Variants in GRIK1 observed in about 807,000 individuals in gnomAD.
GRIK1 encodes the protein glutamate ionotropic receptor kainate type subunit 1.
A neutral mutation model predicts 105.7 loss-of-function variants in GRIK1; 69 were observed. The ratio of observed to expected loss-of-function variants is 0.65; its 90% confidence interval spans 0.54 to 0.80. The LOEUF (loss-of-function observed/expected upper bound fraction) is 0.80, where lower values mean the gene tolerates loss of function less well. GRIK1 is among the 30% of genes least tolerant of loss of function. The pLI is 0.00. For synonymous variants in GRIK1, 438 were observed against 431.3 expected (o/e 1.02, Z -0.19); for missense variants, 1,109 against 1,167.3 (o/e 0.95, Z 0.73).
chr21:29,902,699 G>A (rs149220190), intron 1 of GRIK1, among the ~76,000 whole-genome samples: 193 of 152,218 alleles, frequency 1.3e-3, no homozygotes, highest in African/African-American at 4.5e-3. Context: ...AATCAATATC[G>A]TGAAAATGGC....
At chr21:29,765,843 C>A (rs2065648618) in intron 1 of GRIK1, among the ~76,000 whole-genome samples, 1 of 151,306 alleles carries the variant, frequency 6.6e-6, no homozygotes, top group Admixed American at 6.6e-5. Context: ...TAAATTTTAT[C>A]TAAGAAAATT....
In GRIK1 at chr21:29,721,601, C is replaced by CAAA. The variant is rs140389060; in HGVS notation, c.119-27541_119-27539dup. 5.9e-3 allele frequency among the ~76,000 whole-genome samples: 815 copies of CAAA among 137,256 alleles called. 15 individuals carry two copies. Among genetic ancestry groups the CAAA allele is most frequent in the African/African-American group, 0.02 (765 of 37,870 alleles). The allele number at this position is 137,256 out of a possible 152,430, so 90.0% of individuals were successfully genotyped here. A position where few individuals can be genotyped will look rare whatever the true frequency, so the allele number is the denominator to read the frequency against. Reference sequence around the variant, plus strand: ...ATGAGAGTAGCAGGAGAATACATACCAAAAAAAAAAAATAAAGGAAGAAGA... The same window carrying CAAA: ...ATGAGAGTAGCAGGAGAATACATACCAAAAAAAAAAAAAAATAAAGGAAGAAGA... On this transcript the variant is annotated intron_variant, in intron 1 of 17. Coordinates refer to ENST00000327783, the MANE Select transcript of GRIK1 (RefSeq NM_001330994.2).
chr21:29,685,075 A>G (rs7280710), intron 3 of GRIK1, among the ~76,000 whole-genome samples: 6,942 of 152,258 alleles, frequency 0.046, 396 homozygotes, highest in East Asian at 0.18. Context: ...AAAATAATAT[A>G]CACTAAGACA....
At chr21:29,623,008 T>G (rs571067952) in intron 7 of GRIK1, among the ~76,000 whole-genome samples, 146 of 152,304 alleles carry the variant, frequency 9.6e-4, no homozygotes, top group African/African-American at 3.2e-3. Flanking sequence ...ACAAATTGAC[T>G]GCCTATCAGA....
intron 1 of GRIK1, among the ~76,000 whole-genome samples, chr21:29,860,895 T>C (rs1162170407): frequency 6.6e-6 from 1 of 151,984 alleles, no homozygotes; most frequent in African/African-American, 2.4e-5. Context: ...TTGAAGAGAG[T>C]ATAAACATAG....
chr21:29,576,453 C>T lies in GRIK1; in HGVS notation c.2130+511G>A, dbSNP rs186967154. ...CGGACTCAGTATTAGACCAGAGTCT[C>T]CTGGGATTTTTTTGTTCTTAATTCT... On this transcript the variant is annotated intron_variant, in intron 14 of 17. Coordinates refer to ENST00000327783, the MANE Select transcript of GRIK1 (RefSeq NM_001330994.2). 4.5e-4 allele frequency among the ~76,000 whole-genome samples: 68 copies of T among 152,292 alleles called. No homozygotes were observed. The Middle Eastern group carries it at 0.014, about 30-fold the overall frequency.
At chr21:29,628,279 A>G (rs1218873684) in intron 7 of GRIK1, among the ~76,000 whole-genome samples, 1 of 152,198 alleles carries the variant, frequency 6.6e-6, no homozygotes, top group Non-Finnish European at 1.5e-5. Flanking sequence ...TTTAGACCAC[A>G]CAACTTCCTA....
rs773386863 is a variant in GRIK1 at position 29,848,755 on chromosome 21, G to GTGTATATATATATATA, written c.118+90627_118+90628insTATATATATATATACA. On this transcript the variant is annotated intron_variant, in intron 1 of 17. Transcript: ENST00000327783. ...TCCTTAAATAGACCAAGTTGTGTGT[G>GTGTATATATATATATA]TATATATATATATATATATATATAT... Among the ~76,000 whole-genome samples the GTGTATATATATATATA allele has an allele frequency of 9.3e-4, 85 of 91,158 alleles. 1 individual carries two copies. Among genetic ancestry groups the GTGTATATATATATATA allele is most frequent in the Non-Finnish European group, 1.3e-3 (65 of 50,174 alleles). 59.8% of individuals were successfully genotyped at this position (91,158 alleles called of 152,430 possible). A position where few individuals can be genotyped will look rare whatever the true frequency, so the allele number is the denominator to read the frequency against.
intron 3 of GRIK1, among the ~76,000 whole-genome samples, chr21:29,678,254 A>G (rs2063310179): frequency 6.6e-6 from 1 of 152,170 alleles, no homozygotes; most frequent in South Asian, 2.1e-4. Context: ...CGGAGGAAAA[A>G]TCAAAACTAA....
At chr21:29,768,622 G>T (rs533618260) in intron 1 of GRIK1, among the ~76,000 whole-genome samples, 1 of 152,172 alleles carries the variant, frequency 6.6e-6, no homozygotes, top group Non-Finnish European at 1.5e-5. Flanking sequence ...TCCGCCTCTG[G>T]GTTGCATGGG....
At chr21:29,695,948 C>T (rs760292993) in intron 1 of GRIK1, among the ~76,000 whole-genome samples, 11 of 152,284 alleles carry the variant, frequency 7.2e-5, no homozygotes, top group African/African-American at 2.6e-4. Context: ...ATCACAAATA[C>T]GCATCATGCG....
At chr21:29,908,362 A>G (rs985869050) in intron 1 of GRIK1, among the ~76,000 whole-genome samples, 2 of 151,912 alleles carry the variant, frequency 1.3e-5, no homozygotes, top group Non-Finnish European at 2.9e-5. Flanking sequence ...CTCCTTGTCA[A>G]TCCCCATTTT....
chr21:29,663,740 T>C (rs1292822811), intron 4 of GRIK1, among the ~76,000 whole-genome samples: 1 of 152,176 alleles, frequency 6.6e-6, no homozygotes, highest in African/African-American at 2.4e-5. Flanking sequence ...CATGGCCTGC[T>C]AAGAAATGTG....
intron 7 of GRIK1, among the ~76,000 whole-genome samples, chr21:29,612,179 G>A (rs1290701913): frequency 2.6e-5 from 4 of 152,148 alleles, no homozygotes; most frequent in African/African-American, 9.7e-5. Flanking sequence ...TGCCATCAGG[G>A]TTTAGAGTAA....
chr21:29,548,242 A>G (rs2090077395), intron 16 of GRIK1, among the ~76,000 whole-genome samples: 1 of 152,210 alleles, frequency 6.6e-6, no homozygotes. Flanking sequence ...ACAAAGTTCA[A>G]ATTCTGCAGG....
intron 1 of GRIK1, among the ~76,000 whole-genome samples, chr21:29,907,619 A>G (rs1040220309): frequency 1.3e-5 from 2 of 152,154 alleles, no homozygotes; most frequent in Non-Finnish European, 2.9e-5. Context: ...AGTTTTTAAA[A>G]TTTATTAGTA....
At chr21:29,589,706 G>C (rs2146287007) in intron 10 of GRIK1, among the ~76,000 whole-genome samples, 1 of 152,212 alleles carries the variant, frequency 6.6e-6, no homozygotes, top group South Asian at 2.1e-4. Context: ...CTACCGGTGT[G>C]AGCCACCAAG....
chr21:29,731,337 T>C, intron 1 of GRIK1, among the ~76,000 whole-genome samples: 1 of 152,220 alleles, frequency 6.6e-6, no homozygotes. Flanking sequence ...CAAAAAACTG[T>C]TGCCATAACC....
At chr21:29,652,060 G>A (rs780846195) in intron 5 of GRIK1, among the ~76,000 whole-genome samples, 2 of 152,098 alleles carry the variant, frequency 1.3e-5, no homozygotes, top group African/African-American at 4.8e-5. Context: ...GTATGTCCTT[G>A]GGCACAGGAT....
Sources: gnomAD v4.1 joint callset for allele counts (sites outside exome capture counted in the v4.1 genomes callset) on GRCh38, gnomAD v4.1.1 for gene constraint, MANE v1.5 for transcripts, NCBI Gene and HGNC (gene_info 2026-07-23, HGNC 2026-07-21) for gene names.